Variants in ZFYVE1 observed in about 807,000 individuals in gnomAD.
ZFYVE1 encodes zinc finger FYVE domain-containing protein 1.
ZFYVE1 carries 30 observed loss-of-function variants against 74.4 expected under a neutral mutation model. The observed-to-expected ratio is 0.40, with a 90% CI of 0.30 to 0.55. The LOEUF (loss-of-function observed/expected upper bound fraction) is 0.55. Ranked by LOEUF, ZFYVE1 falls within the 20% of genes least tolerant of loss-of-function variation. The pLI, the probability that ZFYVE1 is intolerant of heterozygous loss-of-function variation, is 0.42. For missense variants in ZFYVE1, 703 were observed against 1,011.6 expected, an observed-to-expected ratio of 0.69 and a Z score of 4.14; for synonymous variants, 335 against 385.1, an observed-to-expected ratio of 0.87 and a Z score of 1.52.
chr14:73,011,840 GA>G (rs1185579828), intron 2 of ZFYVE1, among the ~76,000 whole-genome samples: 36 of 124,332 alleles, frequency 2.9e-4, no homozygotes, highest in Admixed American at 4.0e-4. Flanking sequence ...TGTTTTAAGA[GA>G]AAAAAAAAAA....
chr14:72,975,539 G>A lies in ZFYVE1; in HGVS notation c.1806+12C>T, dbSNP rs528390491. 3.1e-6 allele frequency: 5 copies of A among 1,607,284 alleles called. No homozygotes were observed. Among genetic ancestry groups the A allele is most frequent in the Non-Finnish European group, 4.2e-6 (5 of 1,176,550 alleles). ...TGTGCCAGGAGTGGAGGGGCATCCT[G>A]GCACACCATACCAGAATCTGGGAGT... On this transcript the variant is annotated intron_variant, in intron 9 of 11. Transcript: ENST00000556143. The surrounding 1 kb of genome is among the most constrained non-coding windows in gnomAD (Gnocchi z 4.1).
chr14:73,012,944 AT>A (rs1894119353), intron 2 of ZFYVE1, among the ~76,000 whole-genome samples: 1 of 152,192 alleles, frequency 6.6e-6, no homozygotes, highest in South Asian at 2.1e-4. Flanking sequence ...AAGTAGAGGA[AT>A]TTCTAGGATA....
At chr14:73,015,879 A>G in intron 2 of ZFYVE1, among the ~76,000 whole-genome samples, 1 of 151,866 alleles carries the variant, frequency 6.6e-6, no homozygotes, top group East Asian at 1.9e-4. Context: ...GTGAGCTGAG[A>G]TCGCGCCACT....
chr14:73,001,542 T>C (rs1893872851), intron 2 of ZFYVE1, among the ~76,000 whole-genome samples: 1 of 152,152 alleles, frequency 6.6e-6, no homozygotes, highest in Admixed American at 6.6e-5. Flanking sequence ...ATAGAATTTG[T>C]AATATTCTGT....
chr14:72,981,966 G>T, intron 4 of ZFYVE1, 71 bp from the exon 5 acceptor site: 1 of 1,337,858 alleles, frequency 7.5e-7, no homozygotes, highest in Non-Finnish European at 1.1e-6. Context: ...CCCACTGCAG[G>T]CACCGTACAA....
intron 4 of ZFYVE1, among the ~76,000 whole-genome samples, chr14:72,991,464 C>G (rs1893611378): frequency 6.6e-6 from 1 of 152,054 alleles, no homozygotes; most frequent in Non-Finnish European, 1.5e-5. Context: ...GCTGGGATTA[C>G]AGGCGTGAGC....
rs1308589771 is a variant in ZFYVE1, at chr14:72,970,158, G to A, written c.*724C>T. 5.1e-6 allele frequency: 1 copy of A among 194,568 alleles called. No individual in the cohort carries two copies. The highest frequency in any genetic ancestry group is 2.4e-5 in the African/African-American group (1 of 42,304). The allele number at this position is 194,568 out of a possible 1,614,324, so 12.1% of individuals were successfully genotyped here. ...CAGTTCCTTCCTTGCTGTTCCCTGGGGGACCAGGGACAGCACGGCCCCTGC... is the reference window on the plus strand; with the variant it reads ...CAGTTCCTTCCTTGCTGTTCCCTGGAGGACCAGGGACAGCACGGCCCCTGC... On this transcript the variant is annotated 3_prime_UTR_variant, in exon 12 of 12. Transcript: ENST00000556143.
At chr14:73,019,437 A>ATT (rs1175872428) in intron 2 of ZFYVE1, among the ~76,000 whole-genome samples, 2 of 152,152 alleles carry the variant, frequency 1.3e-5, no homozygotes, top group African/African-American at 4.8e-5. Context: ...CCTATGTACT[A>ATT]AATTGAAAAT....
At position 72,975,486 on chromosome 14, in the gene ZFYVE1, G is replaced by A; in HGVS notation, c.1806+65C>T. ...TCCCTCACAGAACAAGCTTAGCACA[G>A]GGCAAAGCGGCATTAAGTAGGATGG... On this transcript the variant is annotated intron_variant, in intron 9 of 11. Transcript: ENST00000556143. The surrounding 1 kb of genome is among the most constrained non-coding windows in gnomAD (Gnocchi z 4.1). 2 of 1,551,552 alleles carry A rather than the reference G, an allele frequency of 1.3e-6. No homozygotes were observed. Among genetic ancestry groups the A allele is most frequent in the South Asian group, 2.5e-5 (2 of 80,636 alleles).
chr14:72,991,275 C>T (rs1404058979), intron 4 of ZFYVE1, among the ~76,000 whole-genome samples: 3 of 150,652 alleles, frequency 2.0e-5, no homozygotes, highest in Admixed American at 1.3e-4. Context: ...CTGCAAGCTC[C>T]GCCTCCCGGG....
Position 72,975,318 on chromosome 14 carries a change from G to A in ZFYVE1, c.1806+233C>T. On this transcript the variant is annotated intron_variant, in intron 9 of 11. Coordinates refer to ENST00000556143, the MANE Select transcript of ZFYVE1 (RefSeq NM_021260.4). The surrounding 1 kb of genome is among the most constrained non-coding windows in gnomAD (Gnocchi z 4.1). ...ATATTCACTGGTCGTCACACACAAG[G>A]AAACTAAAACTCACCAAACAGAAAA... 1.7e-6 allele frequency: 1 copy of A among 575,774 alleles called. No individual in the cohort carries two copies. Among genetic ancestry groups the A allele is most frequent in the East Asian group, 3.0e-5 (1 of 33,664 alleles). 35.7% of individuals were successfully genotyped at this position (575,774 alleles called of 1,614,324 possible). A position where few individuals can be genotyped will look rare whatever the true frequency, so the allele number is the denominator to read the frequency against.
chr14:72,977,816 A>G, intron 8 of ZFYVE1, 111 bp downstream of exon 8: 1 of 1,181,078 alleles, frequency 8.5e-7, no homozygotes, highest in Non-Finnish European at 1.2e-6. Context: ...AACCGCCAAC[A>G]TTCTGAAATT....
At chr14:72,999,093 G>A (rs1015175817) in intron 2 of ZFYVE1, among the ~76,000 whole-genome samples, 3 of 152,140 alleles carry the variant, frequency 2.0e-5, no homozygotes, top group Non-Finnish European at 4.4e-5. Flanking sequence ...AGGAGTTCAA[G>A]TGCAGTCTGG....
intron 4 of ZFYVE1, among the ~76,000 whole-genome samples, chr14:72,991,191 T>C (rs1414187291): frequency 2.8e-5 from 4 of 142,886 alleles, no homozygotes; most frequent in Non-Finnish European, 4.6e-5. Flanking sequence ...GTATTTTTTT[T>C]TTTTTTTTTT....
At chr14:72,988,490 T>TA (rs1476294588) in intron 4 of ZFYVE1, among the ~76,000 whole-genome samples, 5 of 151,834 alleles carry the variant, frequency 3.3e-5, no homozygotes, top group African/African-American at 4.8e-5. Flanking sequence ...ACTTTTTTTT[T>TA]AAATATACTA....
intron 4 of ZFYVE1, among the ~76,000 whole-genome samples, chr14:72,985,643 G>A (rs1164454925): frequency 6.6e-6 from 1 of 150,662 alleles, no homozygotes; most frequent in African/African-American, 2.4e-5. Flanking sequence ...AGATGCTGAA[G>A]TATCTAATGA....
chr14:73,009,626 C>T (rs551362348), intron 2 of ZFYVE1, among the ~76,000 whole-genome samples: 8 of 152,144 alleles, frequency 5.3e-5, no homozygotes, highest in Non-Finnish European at 7.4e-5. Context: ...CGTGGTGGCA[C>T]GTGCCTGTAA....
At position 72,970,766 on chromosome 14, in the gene ZFYVE1, C is replaced by T. The variant is rs1016857761; in HGVS notation, c.*116G>A. The T allele has an allele frequency of 7.3e-5, 84 of 1,152,334 alleles. No homozygotes were observed. The highest frequency in any genetic ancestry group is 3.2e-5 in the Non-Finnish European group (26 of 817,164). The allele number at this position is 1,152,334 out of a possible 1,614,324, so 71.4% of individuals were successfully genotyped here. On this transcript the variant is annotated 3_prime_UTR_variant, in exon 12 of 12. Coordinates refer to ENST00000556143, the MANE Select transcript of ZFYVE1 (RefSeq NM_021260.4). ...CACTGAGGGAAAGTGGCCCTGGATGCGGAGAGGAGAGGACACACACCACAG... is the reference window on the plus strand; with the variant it reads ...CACTGAGGGAAAGTGGCCCTGGATGTGGAGAGGAGAGGACACACACCACAG...
intron 2 of ZFYVE1, among the ~76,000 whole-genome samples, chr14:73,018,741 A>G (rs1395122594): frequency 6.6e-6 from 1 of 152,138 alleles, no homozygotes; most frequent in Admixed American, 6.6e-5. Flanking sequence ...CACGAGTTCA[A>G]GACCAGCGTG....
Sources: gnomAD v4.1 joint callset for allele counts (sites outside exome capture counted in the v4.1 genomes callset) on GRCh38, gnomAD v4.1.1 for gene constraint, Gnocchi (gnomAD v3.1) non-coding constraint, MANE v1.5 for transcripts, NCBI Gene and HGNC (gene_info 2026-07-23, HGNC 2026-07-21) for gene names.